The following VCPIP1 variants were observed in gnomAD, a reference collection of about 807,000 sequenced individuals.
VCPIP1 encodes deubiquitinating protein VCPIP1.
A neutral mutation model predicts 85.0 loss-of-function variants in VCPIP1; 8 were observed. The observed-to-expected ratio is 0.09, with a 90% CI of 0.06 to 0.17. The LOEUF (loss-of-function observed/expected upper bound fraction) is 0.17. VCPIP1 is among the 10% of genes least tolerant of loss of function. The pLI is 1.00. For missense variants in VCPIP1, 1,070 were observed against 1,486.3 expected (o/e 0.72, Z 4.61); for synonymous variants, 543 against 544.5 (o/e 1.00, Z 0.04).
rs972768341 is a variant in VCPIP1, at chr8:66,631,066, T to A, written c.*3435A>T. ...TATTATTATTATAAATGGTGGTTTTTAATTCACATTAAGATAGGTGGAATT... is the reference window on the plus strand; with the variant it reads ...TATTATTATTATAAATGGTGGTTTTAAATTCACATTAAGATAGGTGGAATT... On this transcript the variant is annotated 3_prime_UTR_variant, in exon 3 of 3. Transcript: ENST00000310421. The A allele has an allele frequency of 4.6e-5, 7 of 152,190 alleles. No homozygotes were observed. The highest frequency in any genetic ancestry group is 1.3e-4 in the Admixed American group (2 of 15,282). 9.4% of individuals were successfully genotyped at this position (152,190 alleles called of 1,614,324 possible).
At chr8:66,637,417 G>GGCACAGTGGCTCAAA (rs1810898919) in intron 2 of VCPIP1, among the ~76,000 whole-genome samples, 1 of 151,348 alleles carries the variant, frequency 6.6e-6, no homozygotes, top group African/African-American at 2.4e-5. Flanking sequence ...GGATATGCCG[G>GGCACAGTGGCTCAAA]GCACAGTGGC....
chr8:66,650,208 AG>A (rs143520691), intron 2 of VCPIP1, among the ~76,000 whole-genome samples: 5 of 152,352 alleles, frequency 3.3e-5, no homozygotes, highest in South Asian at 2.1e-4. Context: ...CCAATTAAAA[AG>A]GGGACAGAGA....
intron 2 of VCPIP1, among the ~76,000 whole-genome samples, chr8:66,638,962 C>CTATATATATATATA (rs1305562313): frequency 1.5e-5 from 2 of 133,260 alleles, no homozygotes; most frequent in Admixed American, 7.2e-5. Context: ...CTCTCTCTCT[C>CTATATATATATATA]TCTCTCTCTA....
chr8:66,656,583 A>G (rs1425519472), intron 1 of VCPIP1, among the ~76,000 whole-genome samples: 1 of 152,162 alleles, frequency 6.6e-6, no homozygotes, highest in Admixed American at 6.5e-5. Context: ...TAATACCTAT[A>G]TGAAATGTAT....
intron 2 of VCPIP1, among the ~76,000 whole-genome samples, chr8:66,635,658 A>T (rs1810877198): frequency 6.6e-6 from 1 of 152,124 alleles, no homozygotes; most frequent in African/African-American, 2.4e-5. Context: ...ACACATGTAA[A>T]CCCAGCACTT....
At chr8:66,657,284 CTTGT>C (rs1586628360) in intron 1 of VCPIP1, among the ~76,000 whole-genome samples, 1 of 152,032 alleles carries the variant, frequency 6.6e-6, no homozygotes, top group South Asian at 2.1e-4. Flanking sequence ...AAATGAAGTA[CTTGT>C]TTATTTAAAT....
intron 2 of VCPIP1, among the ~76,000 whole-genome samples, chr8:66,639,417 C>G (rs1271270915): frequency 3.1e-4 from 39 of 124,906 alleles, no homozygotes; most frequent in Non-Finnish European, 3.1e-5. Context: ...TGCAGTGGTG[C>G]GATCTCGGCT....
intron 1 of VCPIP1, among the ~76,000 whole-genome samples, chr8:66,660,674 T>C (rs1811146369): frequency 1.3e-5 from 2 of 152,244 alleles, no homozygotes; most frequent in Admixed American, 6.5e-5. Flanking sequence ...ACATCAACAG[T>C]TCCCCAGTAC....
At chr8:66,636,965 T>G (rs1810893433) in intron 2 of VCPIP1, among the ~76,000 whole-genome samples, 1 of 152,178 alleles carries the variant, frequency 6.6e-6, no homozygotes, top group African/African-American at 2.4e-5. Context: ...CAATCTTGCC[T>G]AAAACATGTA....
chr8:66,638,322 C>T (rs901390834), intron 2 of VCPIP1, among the ~76,000 whole-genome samples: 6 of 151,656 alleles, frequency 4.0e-5, no homozygotes, highest in African/African-American at 1.2e-4. Flanking sequence ...CTCACCTCTA[C>T]AAAAAATTTA....
intron 1 of VCPIP1, among the ~76,000 whole-genome samples, chr8:66,659,164 T>C (rs1460072624): frequency 1.3e-5 from 2 of 151,086 alleles, no homozygotes; most frequent in Non-Finnish European, 2.9e-5. Flanking sequence ...CTGTCTACCA[T>C]GAAAGAAAAC....
At chr8:66,649,484 A>T (rs542900835) in intron 2 of VCPIP1, among the ~76,000 whole-genome samples, 1 of 152,282 alleles carries the variant, frequency 6.6e-6, no homozygotes, top group African/African-American at 2.4e-5. Flanking sequence ...ACTCCAGCCC[A>T]GGAGATAGAG....
chr8:66,634,528 G>A lies in VCPIP1; in HGVS notation c.3642C>T (p.Asn1214=), dbSNP rs765137576. ...AAGAGTGATCCATTGGCTCAGTTGT[G>A]TTAGTCATCTCAGCATCTTGACTAT... ...EMDSQDAEMT[N]TTEPMDHS The change falls in exon 3 of 3, where the codon AAC becomes AAT. Residue 1214 remains asparagine (N), a synonymous_variant. Transcript: ENST00000310421. 6.8e-6 allele frequency: 11 copies of A among 1,608,852 alleles called. No homozygotes were observed. The South Asian group carries it at 1.2e-4, about 18-fold the overall frequency.
At position 66,665,419 on chromosome 8, in the gene VCPIP1, T is replaced by G; in HGVS notation, c.1540A>C (p.Asn514His). The change falls in exon 1 of 3, where the codon AAT becomes CAT. Residue 514 changes from asparagine to histidine, a missense_variant. Physicochemically the swap from Asn to His is moderately conservative, Grantham distance 68. Around this residue, in one of 8 missense-constraint regions of VCPIP1, gnomAD observed 123 missense variants for 156.3 expected, o/e 0.79. Coordinates refer to ENST00000310421, the MANE Select transcript of VCPIP1 (RefSeq NM_025054.5). The surrounding 1 kb of genome is among the most constrained non-coding windows in gnomAD (Gnocchi z 4.3). ...ACTGAATCATATGAGCAAACCAAAT[T>G]GTTCAAGGGAAAGCTGTAATTTTTG... ...TDKNYSFPLNNLVCSYDSVKD... is the reference protein window; with the variant it reads ...TDKNYSFPLNHLVCSYDSVKD... 6.2e-7 allele frequency: 1 copy of G among 1,614,214 alleles called. No individual in the cohort carries two copies. The highest frequency in any genetic ancestry group is 1.3e-5 in the African/African-American group (1 of 75,044).
Position 66,651,495 on chromosome 8 carries a change from C to T in VCPIP1, c.2760G>A (p.Gln920=). ...TCATAATACTGTAGAATACACCACCCTGCTGAAACATGTGAGGAAGTCCCT... is the reference window on the plus strand; with the variant it reads ...TCATAATACTGTAGAATACACCACCTTGCTGAAACATGTGAGGAAGTCCCT... ...YAKGLPHMFQ[Q]GGVFYSIMKK... The change falls in exon 2 of 3, where the codon CAG becomes CAA. Residue 920 remains glutamine, a synonymous_variant. Coordinates refer to ENST00000310421, the MANE Select transcript of VCPIP1 (RefSeq NM_025054.5). 6.2e-7 allele frequency: 1 copy of T among 1,613,462 alleles called. No homozygotes were observed. The highest frequency in any genetic ancestry group is 8.5e-7 in the Non-Finnish European group (1 of 1,179,810).
intron 1 of VCPIP1, among the ~76,000 whole-genome samples, chr8:66,659,220 A>G (rs1811131679): frequency 6.6e-6 from 1 of 151,136 alleles, no homozygotes; most frequent in African/African-American, 2.4e-5. Context: ...TTTTTTGGAA[A>G]GAGTGTTGCT....
At chr8:66,635,548 C>CTAAAGTAGTT (rs1240755716) in intron 2 of VCPIP1, among the ~76,000 whole-genome samples, 176 bp from the exon 3 acceptor site, 1 of 152,144 alleles carries the variant, frequency 6.6e-6, no homozygotes, top group Non-Finnish European at 1.5e-5. Flanking sequence ...GCCATAGACC[C>CTAAAGTAGTT]TAAAGTAGTT....
intron 2 of VCPIP1, among the ~76,000 whole-genome samples, chr8:66,648,429 T>A (rs1411705254): frequency 6.6e-6 from 1 of 152,168 alleles, no homozygotes; most frequent in Non-Finnish European, 1.5e-5. Context: ...ATCTAATTGA[T>A]CATTTATCTA....
chr8:66,651,522 T>C lies in VCPIP1; in HGVS notation c.2733A>G (p.Ala911=), dbSNP rs201986090. 8 of 1,613,500 alleles carry C rather than the reference T, an allele frequency of 5.0e-6. No individual in the cohort carries two copies. In the East Asian group the frequency reaches 1.1e-4, roughly 22 times the overall value. Residue 911 remains alanine, a synonymous_variant, in exon 2 of 3, where the codon GCA becomes GCG. Transcript: ENST00000310421. ...TLMGEDVWSY[A]KGLPHMFQQG... The stretch of plus-strand genomic sequence containing the variant: ...GCTGAAACATGTGAGGAAGTCCCTT[T>C]GCATAAGACCATACATCTTCTCCTG...
Sources: gnomAD v4.1 joint callset for allele counts (sites outside exome capture counted in the v4.1 genomes callset) on GRCh38, gnomAD v4.1.1 for gene constraint, gnomAD v4.1.1 regional missense constraint, Gnocchi (gnomAD v3.1) non-coding constraint, MANE v1.5 for transcripts, NCBI Gene and HGNC (gene_info 2026-07-23, HGNC 2026-07-21) for gene names.